Variants in MARK4 observed in about 807,000 individuals in gnomAD.
MARK4 encodes microtubule affinity regulating kinase 4, also known as MAP/microtubule affinity-regulating kinase 4.
MARK4 carries 19 observed loss-of-function variants against 81.5 expected under a neutral mutation model. The observed-to-expected ratio is 0.23, with a 90% CI of 0.16 to 0.34. The LOEUF (loss-of-function observed/expected upper bound fraction) is 0.34, where lower values mean the gene tolerates loss of function less well. Among genes scored for constraint, MARK4 ranks in the 10% least tolerant of loss-of-function variants. The pLI, the probability that MARK4 is intolerant of heterozygous loss-of-function variation, is 1.00. For synonymous variants in MARK4, 436 were observed against 439.0 expected (o/e 0.99, Z 0.08); for missense variants, 772 against 1,058.8 (o/e 0.73, Z 3.76).
intron 1 of MARK4, among the ~76,000 whole-genome samples, chr19:45,256,604 A>G (rs918097020): frequency 1.3e-5 from 2 of 152,160 alleles, no homozygotes; most frequent in Non-Finnish European, 2.9e-5. Context: ...TAAAATAGCA[A>G]GTCAGGACCA....
chr19:45,293,452 A>T (rs996273915), intron 13 of MARK4, among the ~76,000 whole-genome samples: 2 of 152,240 alleles, frequency 1.3e-5, no homozygotes, highest in African/African-American at 2.4e-5. Flanking sequence ...GATGAAATGG[A>T]CACATTACTT....
At position 45,302,677 on chromosome 19, in the gene MARK4, C is replaced by G; in HGVS notation, c.2226C>G (p.Leu742=). 1.3e-6 allele frequency: 2 copies of G among 1,537,030 alleles called. No individual in the cohort carries two copies. The highest frequency in any genetic ancestry group is 1.7e-6 in the Non-Finnish European group (2 of 1,147,182). Residue 742 remains leucine, a synonymous_variant, in exon 17 of 17, where the codon CTC becomes CTG. Transcript: ENST00000262891. The surrounding 1 kb of genome is among the most constrained non-coding windows in gnomAD (Gnocchi z 4.9). Reference sequence around the variant, plus strand: ...GCACCGCCCTGGCCTTCCGCACCCTCGTCACCCGCATCTCCAACGACCTCG... The same window carrying G: ...GCACCGCCCTGGCCTTCCGCACCCTGGTCACCCGCATCTCCAACGACCTCG... ...VAGTALAFRT[L]VTRISNDLEL is the part of the protein sequence containing the mutation.
chr19:45,279,657 T>C (rs907064448), intron 10 of MARK4, among the ~76,000 whole-genome samples: 1 of 152,236 alleles, frequency 6.6e-6, no homozygotes, highest in African/African-American at 2.4e-5. Flanking sequence ...AAATTGTCAG[T>C]ACCACCAATT....
chr19:45,299,509 G>A (rs896564724), intron 15 of MARK4, among the ~76,000 whole-genome samples: 5 of 152,212 alleles, frequency 3.3e-5, no homozygotes, highest in South Asian at 2.1e-4. Flanking sequence ...GTGTGCACAC[G>A]TGCGTGTGTC....
intron 9 of MARK4, among the ~76,000 whole-genome samples, 194 bp from the exon 10 acceptor site, chr19:45,278,322 C>T (rs367612429): frequency 1.3e-5 from 2 of 151,916 alleles, no homozygotes; most frequent in Non-Finnish European, 2.9e-5. Context: ...CCAGATGATG[C>T]GGAGGAGGGA....
intron 4 of MARK4, among the ~76,000 whole-genome samples, chr19:45,264,431 G>A (rs1970422761): frequency 1.3e-5 from 2 of 151,610 alleles, no homozygotes; most frequent in Admixed American, 6.6e-5. Flanking sequence ...AACCTGGGAG[G>A]GTGAGCAGAG....
At position 45,253,033 on chromosome 19, in the gene MARK4, A is replaced by G. The variant is rs7249975; in HGVS notation, c.51+1394A>G. 8.1e-3 allele frequency among the ~76,000 whole-genome samples: 1,209 copies of G among 148,792 alleles called. 17 individuals are homozygous for G. Among genetic ancestry groups the G allele is most frequent in the African/African-American group, 0.029 (1,158 of 40,102 alleles). On this transcript the variant is annotated intron_variant, in intron 1 of 16. Transcript: ENST00000262891. ...CTGCTTCCCAGAGAGGCCCCTCCCCATCTCCTGTGTCTCTGATCACTGATC... is the reference window on the plus strand; with the variant it reads ...CTGCTTCCCAGAGAGGCCCCTCCCCGTCTCCTGTGTCTCTGATCACTGATC...
At chr19:45,252,878 CTT>C (rs1284610037) in intron 1 of MARK4, among the ~76,000 whole-genome samples, 1 of 152,064 alleles carries the variant, frequency 6.6e-6, no homozygotes, top group Non-Finnish European at 1.5e-5. Context: ...GTTTCAAGGA[CTT>C]CTCCTAGAAG....
At chr19:45,262,707 C>G (rs1300788350) in intron 2 of MARK4, among the ~76,000 whole-genome samples, 1 of 152,224 alleles carries the variant, frequency 6.6e-6, no homozygotes, top group Non-Finnish European at 1.5e-5. Flanking sequence ...TGCAAAGGCC[C>G]TGAGGCCCTG....
chr19:45,284,948 G>A (rs752656683), intron 12 of MARK4, among the ~76,000 whole-genome samples: 23 of 152,078 alleles, frequency 1.5e-4, no homozygotes, highest in Middle Eastern at 3.2e-3. Flanking sequence ...AAAATTAGCC[G>A]GGTGTGGTGG....
Position 45,297,876 on chromosome 19 carries a change from A to G in MARK4, c.1799A>G (p.Glu600Gly). 6.6e-7 allele frequency: 1 copy of G among 1,511,150 alleles called. No homozygotes were observed. 93.6% of individuals were successfully genotyped at this position (1,511,150 alleles called of 1,614,324 possible). A position where few individuals can be genotyped will look rare whatever the true frequency, so the allele number is the denominator to read the frequency against. ...GPPASPTLAH[E>G]AAPLPAGRPR... is the part of the protein sequence containing the mutation. ...CCTGCCTCTCCCACACTGGCCCATG[A>G]GGCTGCACCCCTGCCCGCCGGGCGG... is the stretch of plus-strand genomic sequence containing the variant. Residue 600 changes from glutamate to glycine, a missense_variant, in exon 15 of 17, where the codon GAG becomes GGG. Glu to Gly is a moderately conservative substitution (Grantham distance 98, BLOSUM62 -2). Transcript: ENST00000262891.
chr19:45,283,713 G>C (rs894485087), intron 12 of MARK4, among the ~76,000 whole-genome samples: 4 of 152,130 alleles, frequency 2.6e-5, no homozygotes, highest in Admixed American at 2.0e-4. Flanking sequence ...TTTGGCTGTT[G>C]TGAATGATGC....
chr19:45,277,474 A>G (rs1203303493), intron 8 of MARK4, among the ~76,000 whole-genome samples: 33 of 136,832 alleles, frequency 2.4e-4, no homozygotes, highest in Non-Finnish European at 6.1e-5. Context: ...CTGGTTGTTC[A>G]GGCTGGTCTT....
intron 12 of MARK4, among the ~76,000 whole-genome samples, chr19:45,283,198 G>A (rs770448615): frequency 2.0e-5 from 3 of 151,678 alleles, no homozygotes; most frequent in Non-Finnish European, 2.9e-5. Context: ...TCACCTGAGC[G>A]CAGGAGTTCG....
At position 45,277,979 on chromosome 19, in the gene MARK4, A is replaced by G. The variant is rs1197356304; in HGVS notation, c.843A>G (p.Thr281=). The change falls in exon 9 of 17, where the codon ACA becomes ACG. Residue 281 remains threonine, a synonymous_variant. Coordinates refer to ENST00000262891, the MANE Select transcript of MARK4 (RefSeq NM_001199867.2). The part of the protein sequence containing the change: ...GKYRVPFYMS[T]DCESILRRFL... ...ACCGGGTCCCTTTCTACATGTCAACAGACTGTGAGAGCATCCTGCGGAGAT... is the reference window on the plus strand; with the variant it reads ...ACCGGGTCCCTTTCTACATGTCAACGGACTGTGAGAGCATCCTGCGGAGAT... 1 of 1,613,878 alleles carries G rather than the reference A, an allele frequency of 6.2e-7. No homozygotes were observed. Among genetic ancestry groups the G allele is most frequent in the Non-Finnish European group, 8.5e-7 (1 of 1,180,020 alleles).
intron 2 of MARK4, among the ~76,000 whole-genome samples, chr19:45,260,109 GC>G (rs983897314): frequency 3.4e-4 from 51 of 151,784 alleles, no homozygotes; most frequent in Admixed American, 2.6e-3. Context: ...AAATTAAAAG[GC>G]CGTGCGCGGT....
chr19:45,298,457 T>C (rs1439231296), intron 15 of MARK4, among the ~76,000 whole-genome samples: 14 of 152,188 alleles, frequency 9.2e-5, no homozygotes, highest in Non-Finnish European at 1.6e-4. Flanking sequence ...GGTTTTCCTC[T>C]TCTGTAAAAT....
In MARK4 at chr19:45,251,471, C is replaced by T. The variant is rs1324567324; in HGVS notation, c.-118C>T. On this transcript the variant is annotated 5_prime_UTR_variant, in exon 1 of 17. Transcript: ENST00000262891. The stretch of plus-strand genomic sequence containing the variant: ...CCCGCCGCGCGGACCCGGGCGTTCT[C>T]GGCGCCCAGCTTTTGAGCTCGCGTC... 2 of 583,338 alleles carry T rather than the reference C, an allele frequency of 3.4e-6. No individual in the cohort carries two copies. Among genetic ancestry groups the T allele is most frequent in the Non-Finnish European group, 5.6e-6 (2 of 354,598 alleles). 36.1% of individuals were successfully genotyped at this position (583,338 alleles called of 1,614,324 possible).
At chr19:45,269,884 C>T (rs1444418583) in intron 7 of MARK4, among the ~76,000 whole-genome samples, 2 of 152,094 alleles carry the variant, frequency 1.3e-5, no homozygotes, top group South Asian at 2.1e-4. Flanking sequence ...GATGGAGTCT[C>T]GCTGTGTTGC....
Sources: allele counts gnomAD v4.1 joint callset (sites outside exome capture counted in the v4.1 genomes callset), GRCh38; gene constraint gnomAD v4.1.1; non-coding constraint Gnocchi (gnomAD v3.1); transcripts MANE v1.5; gene names NCBI Gene and HGNC (gene_info 2026-07-23, HGNC 2026-07-21).